The following PLXNC1 variants were observed in gnomAD, a reference collection of about 807,000 sequenced individuals.
PLXNC1 encodes the protein plexin-C1.
A neutral mutation model predicts 178.2 loss-of-function variants in PLXNC1; 75 were observed. That is an observed-to-expected ratio of 0.42 (90% CI 0.35 to 0.51). The LOEUF (loss-of-function observed/expected upper bound fraction) is 0.51, where lower values mean the gene tolerates loss of function less well. Ranked by LOEUF, PLXNC1 falls within the 20% of genes least tolerant of loss-of-function variation. The pLI is 0.02. For missense variants in PLXNC1, 1,503 were observed against 1,984.4 expected, an observed-to-expected ratio of 0.76 and a Z score of 4.61; for synonymous variants, 790 against 779.9, an observed-to-expected ratio of 1.01 and a Z score of -0.22.
In PLXNC1 at chr12:94,275,827, C is replaced by T. The variant is rs1172256183; in HGVS notation, c.3598-3645C>T. Among the ~76,000 whole-genome samples, 2 of 78,194 alleles carry T rather than the reference C, an allele frequency of 2.6e-5. 1 individual carries two copies. Among genetic ancestry groups the T allele is most frequent in the Non-Finnish European group, 4.9e-5 (2 of 40,684 alleles). The allele number at this position is 78,194 out of a possible 152,430, so 51.3% of individuals were successfully genotyped here. A position where few individuals can be genotyped will look rare whatever the true frequency, so the allele number is the denominator to read the frequency against. ...CCGAGATCCCGCCACTGCACTCCAG[C>T]CTGGGCGACAGAGCGAGACTCCGTC... On this transcript the variant is annotated intron_variant, in intron 21 of 30. Coordinates refer to ENST00000258526, the MANE Select transcript of PLXNC1 (RefSeq NM_005761.3).
rs1448927790 is a variant in PLXNC1, at chr12:94,257,696, C to T, written c.3088-1641C>T. Among the ~76,000 whole-genome samples, 44 of 151,842 alleles carry T rather than the reference C, an allele frequency of 2.9e-4. 1 individual carries two copies. The highest frequency in any genetic ancestry group is 2.9e-3 in the Admixed American group (44 of 15,236). Reference sequence around the variant, plus strand: ...GCTGAGGCAGAGAATTGCTTGAACCCGAGATCAAGACCATCCTGGCTAACA... The same window carrying T: ...GCTGAGGCAGAGAATTGCTTGAACCTGAGATCAAGACCATCCTGGCTAACA... On this transcript the variant is annotated intron_variant, in intron 17 of 30. Transcript: ENST00000258526.
chr12:94,231,604 A>AC (rs1964105540), intron 9 of PLXNC1, among the ~76,000 whole-genome samples: 2 of 152,068 alleles, frequency 1.3e-5, no homozygotes, highest in South Asian at 4.1e-4. Context: ...CCCAAGACCT[A>AC]CTCCTGTATC....
intron 5 of PLXNC1, among the ~76,000 whole-genome samples, chr12:94,211,854 A>G (rs576061482): frequency 2.0e-5 from 3 of 152,380 alleles, no homozygotes; most frequent in East Asian, 1.9e-4. Context: ...GTTTATGTAT[A>G]TATGTCTCTA....
chr12:94,278,385 CT>C (rs764871618), intron 21 of PLXNC1, among the ~76,000 whole-genome samples: 1 of 152,226 alleles, frequency 6.6e-6, no homozygotes, highest in Non-Finnish European at 1.5e-5. Flanking sequence ...TGTTTTAGAT[CT>C]ATTTGTTCTT....
intron 5 of PLXNC1, among the ~76,000 whole-genome samples, chr12:94,218,865 A>T (rs1253272937): frequency 6.6e-6 from 1 of 152,208 alleles, no homozygotes; most frequent in Non-Finnish European, 1.5e-5. Flanking sequence ...TTTAATCATT[A>T]TCTAACAATA....
intron 21 of PLXNC1, among the ~76,000 whole-genome samples, chr12:94,268,041 C>T (rs951292706): frequency 6.6e-6 from 1 of 152,082 alleles, no homozygotes; most frequent in Admixed American, 6.6e-5. Context: ...AAAGGAAAGT[C>T]GGAAATCAAG....
intron 4 of PLXNC1, 37 bp from the exon 5 acceptor site, chr12:94,209,553 C>G (rs745760651): frequency 6.5e-6 from 8 of 1,224,192 alleles, no homozygotes; most frequent in Non-Finnish European, 8.5e-6. Context: ...AACTAACACA[C>G]GTATGGGGTC....
At position 94,152,527 on chromosome 12, in the gene PLXNC1, T is replaced by C. The variant is rs557685335; in HGVS notation, c.1062+2494T>C. On this transcript the variant is annotated intron_variant, in intron 1 of 30. Coordinates refer to ENST00000258526, the MANE Select transcript of PLXNC1 (RefSeq NM_005761.3). ...ATTTGATTGCATTTGTTCTGCATTT[T>C]ATTTTCAGGTCTTGAATGTGTTTTT... 2.0e-5 allele frequency among the ~76,000 whole-genome samples: 3 copies of C among 152,370 alleles called. No individual in the cohort carries two copies. In the East Asian group the frequency reaches 5.8e-4, roughly 29 times the overall value.
At chr12:94,239,268 T>C (rs771762816) in intron 10 of PLXNC1, among the ~76,000 whole-genome samples, 8 of 152,216 alleles carry the variant, frequency 5.3e-5, no homozygotes, top group Non-Finnish European at 2.9e-5. Flanking sequence ...TCTTTTAATA[T>C]GGTACTTTTA....
At chr12:94,216,647 C>T (rs988048247) in intron 5 of PLXNC1, among the ~76,000 whole-genome samples, 21 of 152,186 alleles carry the variant, frequency 1.4e-4, no homozygotes, top group Admixed American at 1.3e-3. Flanking sequence ...GAGGAAATAA[C>T]TTGAAAGAAG....
In PLXNC1 at chr12:94,255,431, G is replaced by C; in HGVS notation, c.3087+135G>C. The C allele has an allele frequency of 5.9e-6, 4 of 673,294 alleles. No individual in the cohort carries two copies. In the South Asian group the frequency reaches 6.6e-5, roughly 11 times the overall value. The allele number at this position is 673,294 out of a possible 1,614,324, so 41.7% of individuals were successfully genotyped here. A position where few individuals can be genotyped will look rare whatever the true frequency, so the allele number is the denominator to read the frequency against. On this transcript the variant is annotated intron_variant, in intron 17 of 30. Transcript: ENST00000258526. ...GGTACAAAAATAATGGCTTAAGTTT[G>C]AGCAGAGCAGGGAGGAGGGTAATTA...
chr12:94,213,092 A>C (rs1963540499), intron 5 of PLXNC1, among the ~76,000 whole-genome samples: 1 of 152,232 alleles, frequency 6.6e-6, no homozygotes, highest in Non-Finnish European at 1.5e-5. Context: ...TGCTATGGTG[A>C]ATAGTGCTGC....
chr12:94,244,517 C>G (rs967043581), intron 12 of PLXNC1, among the ~76,000 whole-genome samples: 1 of 152,208 alleles, frequency 6.6e-6, no homozygotes, highest in Non-Finnish European at 1.5e-5. Flanking sequence ...TCTGATGTCA[C>G]CTTCTCTTAC....
At chr12:94,290,443 G>C (rs147180773) in intron 23 of PLXNC1, among the ~76,000 whole-genome samples, 3 of 152,394 alleles carry the variant, frequency 2.0e-5, no homozygotes, top group Non-Finnish European at 4.4e-5. Context: ...GAAGAGCTCA[G>C]TAAGAGTTAA....
chr12:94,152,950 C>A (rs1269220691), intron 1 of PLXNC1, among the ~76,000 whole-genome samples: 1 of 152,242 alleles, frequency 6.6e-6, no homozygotes, highest in African/African-American at 2.4e-5. Flanking sequence ...TTGCCACCAA[C>A]TTTGAATCCA....
In PLXNC1 at chr12:94,232,307, T is replaced by G. The variant is rs559316607; in HGVS notation, c.1980+5072T>G. ...TTTCACCATGTTGGCCAGGATGGTC[T>G]CGAACTCCTGACCTCAAGTGATCTG... On this transcript the variant is annotated intron_variant, in intron 9 of 30. Transcript: ENST00000258526. Among the ~76,000 whole-genome samples the G allele has an allele frequency of 2.0e-5, 3 of 152,332 alleles. No individual in the cohort carries two copies. The South Asian group carries it at 6.2e-4, about 32-fold the overall frequency.
chr12:94,177,189 A>ATATATATATATACGTATATATATG (rs1565794383), intron 2 of PLXNC1, among the ~76,000 whole-genome samples: 1 of 8,472 alleles, frequency 1.2e-4, no homozygotes, highest in Non-Finnish European at 2.1e-4. Flanking sequence ...ATATATATGT[A>ATATATATATATACGTATATATATG]TATATATATA....
chr12:94,226,456 G>A, intron 7 of PLXNC1, 149 bp from the exon 8 acceptor site: 1 of 584,836 alleles, frequency 1.7e-6, no homozygotes, highest in Non-Finnish European at 3.0e-6. Flanking sequence ...CAAGAGCAGG[G>A]CACAAAGCCT....
At chr12:94,162,562 T>G (rs1032469745) in intron 1 of PLXNC1, among the ~76,000 whole-genome samples, 7 of 151,964 alleles carry the variant, frequency 4.6e-5, no homozygotes, top group African/African-American at 1.7e-4. Context: ...GAGAATAAAT[T>G]GAAAGTTAAA....
Sources: gnomAD v4.1 joint callset for allele counts (sites outside exome capture counted in the v4.1 genomes callset) on GRCh38, gnomAD v4.1.1 for gene constraint, MANE v1.5 for transcripts, NCBI Gene and HGNC (gene_info 2026-07-23, HGNC 2026-07-21) for gene names.